The following CD96 variants were observed in gnomAD, a reference collection of about 807,000 sequenced individuals.
CD96 encodes CD96 molecule, also known as T-cell surface protein tactile.
In CD96, 70 loss-of-function variants were observed where a neutral mutation model predicts 71.3. The ratio of observed to expected loss-of-function variants is 0.98; its 90% CI spans 0.81 to 1.20. CD96 has a LOEUF of 1.20. CD96 is among the 50% of genes most tolerant of loss of function. The pLI is 0.00. For missense variants in CD96, 742 were observed against 677.5 expected (o/e 1.10, Z -1.06); for synonymous variants, 248 against 233.0 (o/e 1.06, Z -0.59).
In CD96 at chr3:111,545,339, ATGCT is replaced by A; in HGVS notation, c.358_361del (p.Leu120PhefsTer31). On this transcript the variant is annotated frameshift_variant, in exon 2 of 14. Coordinates refer to ENST00000352690, the MANE Select transcript of CD96 (RefSeq NM_005816.5). LOFTEE classifies it high-confidence loss of function. Reference sequence around the variant, plus strand: ...TTCAGTCAGTGGAAGGTACGAGTGTATGCTTGTTCTGTATCCAGAGGGCATTCAG... The same window carrying A: ...TTCAGTCAGTGGAAGGTACGAGTGTATGTTCTGTATCCAGAGGGCATTCAG... The A allele has an allele frequency of 6.2e-7, 1 of 1,614,114 alleles. No individual in the cohort carries two copies.
intron 7 of CD96, among the ~76,000 whole-genome samples, chr3:111,601,959 C>A (rs941245294): frequency 6.6e-6 from 1 of 152,182 alleles, no homozygotes; most frequent in Non-Finnish European, 1.5e-5. Flanking sequence ...GTAGCCTTGC[C>A]TGTGTGTCTG....
At chr3:111,562,803 G>A in intron 2 of CD96, among the ~76,000 whole-genome samples, 1 of 152,178 alleles carries the variant, frequency 6.6e-6, no homozygotes, top group East Asian at 1.9e-4. Context: ...TTCCTAGTCA[G>A]GGTATAATCT....
chr3:111,638,979 A>G (rs1939466459), intron 12 of CD96, among the ~76,000 whole-genome samples: 1 of 152,222 alleles, frequency 6.6e-6, no homozygotes, highest in African/African-American at 2.4e-5. Flanking sequence ...AAAAAAAAAT[A>G]TAGGCATTGA....
chr3:111,606,934 T>C (rs1216912661), intron 8 of CD96, 142 bp downstream of exon 8: 3 of 701,426 alleles, frequency 4.3e-6, no homozygotes, highest in Non-Finnish European at 7.8e-6. Flanking sequence ...TTTAACAGCT[T>C]TATTGAGATA....
intron 3 of CD96, chr3:111,570,568 A>G: frequency 7.1e-7 from 1 of 1,413,568 alleles, no homozygotes; most frequent in Non-Finnish European, 9.7e-7. Flanking sequence ...ATCAGGGGGC[A>G]CTAGATCCTT....
rs1939560483 is a variant in CD96 at position 111,640,941 on chromosome 3, G to C, written c.1477+2773G>C. Among the ~76,000 whole-genome samples the C allele has an allele frequency of 1.3e-5, 2 of 152,148 alleles. 1 individual carries two copies. Among genetic ancestry groups the C allele is most frequent in the Admixed American group, 1.3e-4 (2 of 15,266 alleles). On this transcript the variant is annotated intron_variant, in intron 12 of 13. Coordinates refer to ENST00000352690, the MANE Select transcript of CD96 (RefSeq NM_005816.5). ...TTGTTTTCACACAAACAAATCCTGG[G>C]AGAATTTTACCAAACCACCACTACA...
chr3:111,591,745 T>A (rs1936999542), intron 5 of CD96, among the ~76,000 whole-genome samples: 1 of 152,138 alleles, frequency 6.6e-6, no homozygotes, highest in Non-Finnish European at 1.5e-5. Context: ...ACATGACAAA[T>A]GAAATCTTTA....
At chr3:111,568,004 A>G (rs1935803178) in intron 3 of CD96, among the ~76,000 whole-genome samples, 1 of 152,250 alleles carries the variant, frequency 6.6e-6, no homozygotes, top group African/African-American at 2.4e-5. Context: ...CAAACAACAT[A>G]TGCAGAGCTA....
chr3:111,545,254 T>C lies in CD96; in HGVS notation c.270T>C (p.Thr90=), dbSNP rs751624723. The C allele has an allele frequency of 3.1e-5, 50 of 1,614,044 alleles. No homozygotes were observed. The highest frequency in any genetic ancestry group is 3.9e-5 in the Non-Finnish European group (46 of 1,180,010). ...GGAGACCCTGTGAGTCACTTGTGAC[T>C]TTCACAGAAACTCCTGAGAATGGGT... ...AYGRPCESLV[T]FTETPENGSK... The change falls in exon 2 of 14, where the codon ACT becomes ACC. Residue 90 remains threonine, a synonymous_variant. Coordinates refer to ENST00000352690, the MANE Select transcript of CD96 (RefSeq NM_005816.5).
intron 4 of CD96, among the ~76,000 whole-genome samples, chr3:111,583,311 G>C (rs1460481628): frequency 6.6e-6 from 1 of 152,202 alleles, no homozygotes; most frequent in East Asian, 1.9e-4. Context: ...GGCTTTACAG[G>C]GTACAGCCTC....
chr3:111,556,136 C>T (rs1322902680), intron 2 of CD96, among the ~76,000 whole-genome samples: 1 of 152,288 alleles, frequency 6.6e-6, no homozygotes, highest in Admixed American at 6.5e-5. Context: ...TATTTCTCTA[C>T]TAACATTTCC....
intron 10 of CD96, among the ~76,000 whole-genome samples, chr3:111,625,566 T>C (rs1009313132): frequency 2.6e-5 from 4 of 151,980 alleles, no homozygotes; most frequent in Non-Finnish European, 1.5e-5. Context: ...ATAGTGATTA[T>C]TGATAAGAAA....
At chr3:111,550,075 G>A (rs1487163656) in intron 2 of CD96, among the ~76,000 whole-genome samples, 1 of 152,104 alleles carries the variant, frequency 6.6e-6, no homozygotes, top group Non-Finnish European at 1.5e-5. Context: ...GGATAATGAA[G>A]AGCAATTAAA....
intron 14 of CD96, among the ~76,000 whole-genome samples, chr3:111,657,845 T>C (rs1940270727): frequency 1.3e-5 from 2 of 152,194 alleles, no homozygotes; most frequent in African/African-American, 4.8e-5. Context: ...AAGCATCACA[T>C]CTGGAGACCC....
In CD96 at chr3:111,545,381, A is replaced by T; in HGVS notation, c.397A>T (p.Asn133Tyr). Residue 133 changes from asparagine (N) to tyrosine (Y), a missense_variant, in exon 2 of 14, where the codon AAC becomes TAC. Physicochemically the swap from Asn to Tyr is moderately radical, Grantham distance 143. Coordinates refer to ENST00000352690, the MANE Select transcript of CD96 (RefSeq NM_005816.5). ...YPEGIQTKIY[N>Y]LLIQTHVTAD... Reference sequence around the variant, plus strand: ...AGAGGGCATTCAGACTAAAATCTACAACCTTCTCATTCAGACACACGGTAA... The same window carrying T: ...AGAGGGCATTCAGACTAAAATCTACTACCTTCTCATTCAGACACACGGTAA... 1 of 1,605,826 alleles carries T rather than the reference A, an allele frequency of 6.2e-7. No individual in the cohort carries two copies. The highest frequency in any genetic ancestry group is 8.5e-7 in the Non-Finnish European group (1 of 1,172,534).
At chr3:111,574,471 A>G (rs1391744861) in intron 3 of CD96, among the ~76,000 whole-genome samples, 2 of 152,226 alleles carry the variant, frequency 1.3e-5, no homozygotes, top group African/African-American at 2.4e-5. Context: ...CTCAACCTGT[A>G]GTACAAAGAT....
At chr3:111,547,931 G>A (rs565813017) in intron 2 of CD96, among the ~76,000 whole-genome samples, 4 of 152,276 alleles carry the variant, frequency 2.6e-5, no homozygotes, top group African/African-American at 9.6e-5. Context: ...GTAGGCAGCT[G>A]ACTAAAGGGA....
chr3:111,598,851 C>G (rs1048972215), intron 6 of CD96, among the ~76,000 whole-genome samples: 1 of 152,238 alleles, frequency 6.6e-6, no homozygotes, highest in South Asian at 2.1e-4. Flanking sequence ...ATAATCTCAG[C>G]TGTCCCTGCC....
At position 111,567,638 on chromosome 3, in the gene CD96, A is replaced by G. The variant is rs759813586; in HGVS notation, c.534A>G (p.Ala178=). Residue 178 remains alanine (A), a synonymous_variant, in exon 3 of 14, where the codon GCA becomes GCG. Transcript: ENST00000352690. ...AAATTTCATCTGAGTTCACCTATGC[A>G]TGGTCGGTGGTAAGTGTTGCCCTTT... ...SSKISSEFTY[A]WSVEDNGTQE... 7.4e-6 allele frequency: 12 copies of G among 1,613,264 alleles called. No homozygotes were observed. The highest frequency in any genetic ancestry group is 1.6e-4 in the Middle Eastern group (1 of 6,082).
Sources: gnomAD v4.1 joint callset for allele counts (sites outside exome capture counted in the v4.1 genomes callset) on GRCh38, gnomAD v4.1.1 for gene constraint, MANE v1.5 for transcripts, NCBI Gene and HGNC (gene_info 2026-07-23, HGNC 2026-07-21) for gene names.